Variants in GYG2 observed in about 807,000 individuals in gnomAD.
GYG2 encodes the protein glycogenin 2.
In GYG2, 29 loss-of-function variants were observed where a neutral mutation model predicts 29.4. That is an observed-to-expected ratio of 0.99 (90% CI 0.74 to 1.35). The LOEUF (loss-of-function observed/expected upper bound fraction) is 1.35, where lower values mean the gene tolerates loss of function less well. Among genes scored for constraint, GYG2 ranks in the 40% most tolerant of loss-of-function variants. The pLI is 0.00. For missense variants in GYG2, 370 were observed against 385.7 expected, an observed-to-expected ratio of 0.96 and a Z score of 0.34; for synonymous variants, 167 against 172.3, an observed-to-expected ratio of 0.97 and a Z score of 0.24.
chrX:2,874,905 C>G (rs1206665480), intron 8 of GYG2, among the ~76,000 whole-genome samples: 1 of 111,310 alleles, frequency 9.0e-6, no homozygotes, highest in Non-Finnish European at 1.9e-5. Context: ...AGGCTCAACC[C>G]CATCCACCCC....
chrX:2,856,658 C>T, intron 6 of GYG2, 34 bp downstream of exon 6: 3 of 1,151,984 alleles, frequency 2.6e-6, no homozygotes, highest in Non-Finnish European at 3.5e-6. Flanking sequence ...CCTGCCAGAT[C>T]TGCCACTACC....
chrX:2,866,560 A>G (rs952848516), intron 8 of GYG2, among the ~76,000 whole-genome samples: 28 of 111,467 alleles, frequency 2.5e-4, no homozygotes, highest in African/African-American at 9.1e-4. Context: ...GAGATTTGTT[A>G]AAGGATACAA....
chrX:2,843,563 A>C (rs1437760698), intron 3 of GYG2, among the ~76,000 whole-genome samples: 1 of 112,396 alleles, frequency 8.9e-6, no homozygotes, highest in African/African-American at 3.2e-5. Context: ...ACAATACTTT[A>C]AAAAACAATA....
intron 3 of GYG2, among the ~76,000 whole-genome samples, chrX:2,851,463 C>T (rs946218248): frequency 3.6e-5 from 4 of 111,740 alleles, no homozygotes; most frequent in Non-Finnish European, 3.8e-5. Flanking sequence ...AGGCTGGTCT[C>T]GAACTCCTGA....
chrX:2,850,793 A>T (rs966562409), intron 3 of GYG2, among the ~76,000 whole-genome samples: 8 of 108,451 alleles, frequency 7.4e-5, no homozygotes, highest in Non-Finnish European at 1.3e-4. Flanking sequence ...TCCTTGACCT[A>T]CCCAAATCTT....
chrX:2,857,065 C>A (rs2088026899), intron 6 of GYG2, among the ~76,000 whole-genome samples: 1 of 108,355 alleles, frequency 9.2e-6, no homozygotes, highest in South Asian at 4.0e-4. Context: ...ATCTATATAT[C>A]TATATCTATA....
At chrX:2,878,549 C>T (rs1048222581) in intron 10 of GYG2, among the ~76,000 whole-genome samples, 1 of 111,718 alleles carries the variant, frequency 9.0e-6, no homozygotes, top group Non-Finnish European at 1.9e-5. Flanking sequence ...GGATTACAGG[C>T]ATGAGCCACC....
chrX:2,868,650 C>A (rs1028023695), intron 8 of GYG2, among the ~76,000 whole-genome samples: 2 of 109,175 alleles, frequency 1.8e-5, no homozygotes, highest in Non-Finnish European at 3.8e-5. Context: ...GCAATGAAGT[C>A]TTCAGGCTTT....
chrX:2,862,893 CA>C (rs1273134425), intron 8 of GYG2, among the ~76,000 whole-genome samples: 4 of 106,662 alleles, frequency 3.8e-5, no homozygotes, highest in Non-Finnish European at 5.8e-5. Flanking sequence ...CTCATCTCTA[CA>C]AAAAAAAGTC....
intron 3 of GYG2, among the ~76,000 whole-genome samples, chrX:2,846,055 A>ATATATTT (rs2087723665): frequency 5.2e-5 from 2 of 38,679 alleles, no homozygotes; most frequent in South Asian, 2.7e-3. Flanking sequence ...ATATATATAT[A>ATATATTT]TTTTTTTTTT....
intron 9 of GYG2, among the ~76,000 whole-genome samples, chrX:2,876,811 T>C (rs937552037): frequency 2.3e-4 from 25 of 109,404 alleles, no homozygotes; most frequent in Admixed American, 4.9e-4. Context: ...TAGCTGGGCG[T>C]GGTGGTGGGC....
Position 2,882,298 on chromosome X carries a change from G to A in GYG2, c.*1085G>A, listed in dbSNP as rs935144949. ...AGTGCGACTTTTGAAATGTTTGGAA[G>A]GTTTATTTCTCATGCACATTCCAGG... On this transcript the variant is annotated 3_prime_UTR_variant, in exon 11 of 11. Transcript: ENST00000398806. The A allele has an allele frequency of 2.7e-5, 3 of 110,601 alleles. No homozygotes were observed. Among genetic ancestry groups the A allele is most frequent in the Non-Finnish European group, 5.7e-5 (3 of 52,942 alleles). 9.1% of individuals were successfully genotyped at this position (110,601 alleles called of 1,213,427 possible). A position where few individuals can be genotyped will look rare whatever the true frequency, so the allele number is the denominator to read the frequency against.
intron 8 of GYG2, among the ~76,000 whole-genome samples, chrX:2,870,519 G>A (rs773953041): frequency 9.0e-6 from 1 of 111,557 alleles, no homozygotes; most frequent in African/African-American, 3.2e-5. Context: ...AACATTAGTA[G>A]AACCGTTGAC....
At chrX:2,878,161 A>G in intron 10 of GYG2, 1 of 740,496 alleles carries the variant, frequency 1.4e-6, no homozygotes, top group South Asian at 6.9e-5. Flanking sequence ...TGTGAATTGA[A>G]TCTGTAGTTA....
intron 8 of GYG2, among the ~76,000 whole-genome samples, chrX:2,871,294 A>G (rs1165225588): frequency 9.1e-6 from 1 of 110,053 alleles, no homozygotes; most frequent in Non-Finnish European, 1.9e-5. Context: ...CCTGAGTGGA[A>G]GTAAGGTACC....
chrX:2,868,875 T>G (rs1438343804), intron 8 of GYG2, among the ~76,000 whole-genome samples: 1 of 111,635 alleles, frequency 9.0e-6, no homozygotes, highest in Non-Finnish European at 1.9e-5. Context: ...AAAGGTATGT[T>G]GATTGATTGG....
At chrX:2,844,848 A>C (rs773883477) in intron 3 of GYG2, among the ~76,000 whole-genome samples, 1 of 107,945 alleles carries the variant, frequency 9.3e-6, no homozygotes, top group East Asian at 3.0e-4. Context: ...ATGTATGTGT[A>C]TATATTTATA....
chrX:2,863,265 G>A (rs1384190642), intron 8 of GYG2, among the ~76,000 whole-genome samples: 3 of 109,627 alleles, frequency 2.7e-5, no homozygotes, highest in Admixed American at 2.0e-4. Flanking sequence ...TAGTAGAGAC[G>A]GGGTTTCACT....
In GYG2 at chrX:2,859,965, C is replaced by A. The variant is rs138157757; in HGVS notation, c.737C>A (p.Ala246Glu). ...QGSASSSQHQ[A>E]AFLHLWWTVY... is the part of the protein sequence containing the mutation. ...TCAGCGTCCAGCAGCCAGCACCAGG[C>A]GGCATTCCTTCATCTCTGGTGGACG... Residue 246 changes from alanine to glutamate, a missense_variant, in exon 7 of 11, where the codon GCG becomes GAG. Coordinates refer to ENST00000398806, the MANE Select transcript of GYG2 (RefSeq NM_001079855.2). The A allele has an allele frequency of 5.8e-6, 7 of 1,203,066 alleles. No homozygotes were observed. The South Asian group carries it at 1.2e-4, about 21-fold the overall frequency.
Sources: allele counts gnomAD v4.1 joint callset (sites outside exome capture counted in the v4.1 genomes callset), GRCh38; gene constraint gnomAD v4.1.1; transcripts MANE v1.5; gene names NCBI Gene and HGNC (gene_info 2026-07-23, HGNC 2026-07-21).